COL25A1: variants seen among roughly 807,000 people sequenced by gnomAD.
The protein encoded by COL25A1 is collagen alpha-1(XXV) chain.
In COL25A1, 103 loss-of-function variants were observed where a neutral mutation model predicts 128.4. That is an observed-to-expected ratio of 0.80 (90% confidence interval 0.68 to 0.94). The LOEUF (loss-of-function observed/expected upper bound fraction) is 0.94, where lower values mean the gene tolerates loss of function less well. Among genes scored for constraint, COL25A1 ranks in the 40% least tolerant of loss-of-function variants. The probability of loss-of-function intolerance (pLI) is 0.00; values close to 1 mark genes in which losing one functional copy is unlikely to be tolerated. For synonymous variants in COL25A1, 279 were observed against 277.2 expected, an observed-to-expected ratio of 1.01 and a Z score of -0.06; for missense variants, 745 against 840.0, an observed-to-expected ratio of 0.89 and a Z score of 1.40.
At chr4:108,820,979 T>G (rs1210731868) in intron 35 of COL25A1, among the ~76,000 whole-genome samples, 1 of 152,198 alleles carries the variant, frequency 6.6e-6, no homozygotes, top group African/African-American at 2.4e-5. Context: ...AGGGAGTTAG[T>G]GCCGTGCAGA....
At chr4:109,176,561 C>A (rs187385543) in intron 3 of COL25A1, among the ~76,000 whole-genome samples, 3 of 151,988 alleles carry the variant, frequency 2.0e-5, no homozygotes, top group Non-Finnish European at 2.9e-5. Flanking sequence ...GAGTAGAGTG[C>A]TGAATGAGTT....
At chr4:108,882,712 T>C (rs1410820687) in intron 19 of COL25A1, among the ~76,000 whole-genome samples, 2 of 152,158 alleles carry the variant, frequency 1.3e-5, no homozygotes, top group African/African-American at 4.8e-5. Flanking sequence ...TAGTAAACTG[T>C]TGTCATAGAG....
Position 108,850,321 on chromosome 4 carries a change from C to T in COL25A1, c.1390-1518G>A, listed in dbSNP as rs146826437. On this transcript the variant is annotated intron_variant, in intron 26 of 37. Transcript: ENST00000399132. ...CTGAATTCCAAGATCAGAAGGGGTT[C>T]TGTACTTGACTCAGGCTACATTTTG... Among the ~76,000 whole-genome samples the T allele has an allele frequency of 4.3e-4, 65 of 152,212 alleles. No individual in the cohort carries two copies. In the East Asian group the frequency reaches 8.9e-3, roughly 21 times the overall value.
intron 37 of COL25A1, among the ~76,000 whole-genome samples, chr4:108,814,478 G>T (rs187890170): frequency 6.6e-6 from 1 of 152,150 alleles, no homozygotes; most frequent in African/African-American, 2.4e-5. Context: ...CCTGCCTGCT[G>T]TCAGGCCTTC....
In COL25A1 at chr4:108,852,223, A is replaced by T; in HGVS notation, c.1389+13T>A. On this transcript the variant is annotated intron_variant, in intron 26 of 37. Transcript: ENST00000399132. Reference sequence around the variant, plus strand: ...TGTATGTGATAAATGGAAACAAGTAAATAAAGAATAACCTTTGGCCCTTGT... The same window carrying T: ...TGTATGTGATAAATGGAAACAAGTATATAAAGAATAACCTTTGGCCCTTGT... 6.2e-7 allele frequency: 1 copy of T among 1,602,258 alleles called. No homozygotes were observed. Among genetic ancestry groups the T allele is most frequent in the Non-Finnish European group, 8.5e-7 (1 of 1,172,028 alleles).
intron 6 of COL25A1, among the ~76,000 whole-genome samples, chr4:108,992,920 A>C (rs1379471342): frequency 6.6e-6 from 1 of 152,186 alleles, no homozygotes; most frequent in Non-Finnish European, 1.5e-5. Flanking sequence ...AAATGAAATA[A>C]AAATTATATG....
rs1777004207 is a variant in COL25A1 at position 109,206,428 on chromosome 4, CT to C, written c.367+94154del. On this transcript the variant is annotated intron_variant, in intron 3 of 37. Coordinates refer to ENST00000399132, the MANE Select transcript of COL25A1 (RefSeq NM_198721.4). ...CCAATATATGAAAGCATTTTGTGCT[CT>C]TAGGAAGAATAAATCCACCTTAAAT... 2.6e-5 allele frequency among the ~76,000 whole-genome samples: 4 copies of C among 152,188 alleles called. No individual in the cohort carries two copies. The South Asian group carries it at 8.3e-4, about 32-fold the overall frequency.
chr4:109,159,931 T>C (rs1396641044), intron 3 of COL25A1, among the ~76,000 whole-genome samples: 1 of 152,034 alleles, frequency 6.6e-6, no homozygotes, highest in Non-Finnish European at 1.5e-5. Context: ...CAAACAAAGA[T>C]TGCTAGTGAG....
chr4:109,163,213 T>C (rs6853482), intron 3 of COL25A1, among the ~76,000 whole-genome samples: 3,080 of 152,284 alleles, frequency 0.02, 99 homozygotes, highest in South Asian at 0.13. Context: ...CAAAAGCTAT[T>C]CTACCTACTA....
intron 3 of COL25A1, among the ~76,000 whole-genome samples, chr4:109,141,262 CT>C (rs1340948144): frequency 6.6e-6 from 1 of 152,170 alleles, no homozygotes; most frequent in Non-Finnish European, 1.5e-5. Flanking sequence ...CTGAAACAGA[CT>C]TGCATCCCAG....
intron 3 of COL25A1, among the ~76,000 whole-genome samples, chr4:109,077,418 C>T (rs1763469817): frequency 6.6e-6 from 1 of 151,994 alleles, no homozygotes; most frequent in Non-Finnish European, 1.5e-5. Context: ...CCATCTATTG[C>T]CTCTTCCCAC....
intron 3 of COL25A1, among the ~76,000 whole-genome samples, chr4:109,283,303 A>G (rs1723561631): frequency 6.6e-6 from 1 of 152,202 alleles, no homozygotes; most frequent in Admixed American, 6.5e-5. Context: ...GCTGGAGTGC[A>G]GTGGCATGGC....
At chr4:109,248,477 C>A (rs13120461) in intron 3 of COL25A1, among the ~76,000 whole-genome samples, 7,052 of 152,210 alleles carry the variant, frequency 0.046, 377 homozygotes, top group East Asian at 0.23. Flanking sequence ...GAATCCAGAG[C>A]GACATTGTAC....
intron 8 of COL25A1, among the ~76,000 whole-genome samples, chr4:108,948,429 A>C (rs1749025636): frequency 6.6e-6 from 1 of 152,140 alleles, no homozygotes. Flanking sequence ...TCTGTAGTTG[A>C]ATATAATATT....
At chr4:108,937,882 G>C (rs977657438) in intron 10 of COL25A1, 39 bp from the exon 11 acceptor site, 1 of 1,531,210 alleles carries the variant, frequency 6.5e-7, no homozygotes, top group Non-Finnish European at 8.9e-7. Context: ...AACGCTGTAA[G>C]TATTTAAAAA....
intron 3 of COL25A1, among the ~76,000 whole-genome samples, chr4:109,228,980 T>C (rs147253642): frequency 1.5e-3 from 235 of 152,358 alleles, no homozygotes; most frequent in African/African-American, 5.3e-3. Context: ...GAAATGTTCA[T>C]TTTTATACAA....
At chr4:109,164,304 A>G (rs1380800537) in intron 3 of COL25A1, among the ~76,000 whole-genome samples, 3 of 152,226 alleles carry the variant, frequency 2.0e-5, no homozygotes, top group Non-Finnish European at 4.4e-5. Context: ...TGAAACAATG[A>G]AAGAATCCTG....
In COL25A1 at chr4:108,864,082, C is replaced by A. The variant is rs79376470; in HGVS notation, c.1084-695G>T. Among the ~76,000 whole-genome samples the A allele has an allele frequency of 4.6e-3, 696 of 152,208 alleles. 15 individuals carry two copies. In the East Asian group the frequency reaches 0.062, roughly 14 times the overall value. On this transcript the variant is annotated intron_variant, in intron 20 of 37. Coordinates refer to ENST00000399132, the MANE Select transcript of COL25A1 (RefSeq NM_198721.4). ...ATCTATCTATCTCCCTATATATATC[C>A]TATTGGTTCTGTCTCTCTGGAGAAA...
At chr4:109,245,344 T>C (rs1256311479) in intron 3 of COL25A1, among the ~76,000 whole-genome samples, 1 of 152,090 alleles carries the variant, frequency 6.6e-6, no homozygotes, top group Non-Finnish European at 1.5e-5. Flanking sequence ...TTAACTGGTA[T>C]GAAGGTGCAG....
Sources: gnomAD v4.1 joint callset for allele counts (sites outside exome capture counted in the v4.1 genomes callset) on GRCh38, gnomAD v4.1.1 for gene constraint, MANE v1.5 for transcripts, NCBI Gene and HGNC (gene_info 2026-07-23, HGNC 2026-07-21) for gene names.